Variants in ZNF469 observed in about 807,000 individuals in gnomAD.
ZNF469 encodes zinc finger protein 469.
Under a neutral mutation model 1.0 loss-of-function variants are expected in ZNF469, and 1 was observed. The observed-to-expected ratio is 1.00, with a 90% CI of 0.35 to 4.73. The LOEUF is 4.73. ZNF469 is among the 30% of genes most tolerant of loss of function. ZNF469 has a pLI of 0.16. For missense variants in ZNF469, 6,100 were observed against 5,356.3 expected, an observed-to-expected ratio of 1.14 and a Z score of -4.33; for synonymous variants, 2,703 against 2,363.4, an observed-to-expected ratio of 1.14 and a Z score of -4.17.
At chr16:88,224,536 A>C in the ZNF469 span, among the ~76,000 whole-genome samples, 1 of 152,308 alleles carries the variant, frequency 6.6e-6, no homozygotes, top group South Asian at 2.1e-4. Flanking sequence ...TGTGGCCTGC[A>C]GCGTGGCACT....
chr16:88,369,847 A>G, the ZNF469 span, among the ~76,000 whole-genome samples: 1 of 152,132 alleles, frequency 6.6e-6, no homozygotes, highest in African/African-American at 2.4e-5. Flanking sequence ...GGACAGTGAC[A>G]CAGTCTCAAC....
the ZNF469 span, among the ~76,000 whole-genome samples, chr16:88,204,741 T>A: frequency 6.6e-6 from 1 of 152,220 alleles, no homozygotes; most frequent in Non-Finnish European, 1.5e-5. Context: ...CAAATGACTT[T>A]GCTTGGCCTT....
chr16:88,302,963 T>G, the ZNF469 span, among the ~76,000 whole-genome samples: 4 of 152,136 alleles, frequency 2.6e-5, no homozygotes, highest in East Asian at 1.9e-4. Context: ...GGCGTGGAAC[T>G]CAGCAGTGCC....
the ZNF469 span, among the ~76,000 whole-genome samples, chr16:88,149,619 A>G: frequency 0.24 from 36,991 of 151,954 alleles, 5,724 homozygotes; most frequent in East Asian, 0.47. Context: ...GATTTGTACC[A>G]TGGTCTCACC....
the ZNF469 span, among the ~76,000 whole-genome samples, chr16:88,143,808 C>T: frequency 6.6e-6 from 1 of 152,246 alleles, no homozygotes; most frequent in Non-Finnish European, 1.5e-5. Flanking sequence ...TGTGTCCTCC[C>T]AGGCCATGCA....
chr16:88,229,634 C>CGCGTGTGGATGTA, the ZNF469 span, among the ~76,000 whole-genome samples: 43 of 104,072 alleles, frequency 4.1e-4, no homozygotes, highest in African/African-American at 9.2e-4. Flanking sequence ...GTGTGGATGT[C>CGCGTGTGGATGTA]ACGTGTGTGT....
chr16:88,398,122 T>C (rs7190077), intron 1 of ZNF469, among the ~76,000 whole-genome samples: 39,126 of 152,032 alleles, frequency 0.26, 5,619 homozygotes, highest in African/African-American at 0.4. Context: ...GATGGGCCTC[T>C]GATCCCTGCT....
In ZNF469 at chr16:88,438,969, C is replaced by T. The variant is rs976238130; in HGVS notation, c.11499C>T (p.Ser3833=). ...CAGCCAGGAGTGAAAGTGTGGGGAG[C>T]TTCGGGAGAGCCCCCTCAGCCCCTG... ...PGPARSESVG[S]FGRAPSAPDK... The change falls in exon 3 of 3, where the codon AGC becomes AGT. Residue 3833 remains serine, a synonymous_variant. Coordinates refer to ENST00000565624, the MANE Select transcript of ZNF469 (RefSeq NM_001367624.2). 1.3e-6 allele frequency: 2 copies of T among 1,550,466 alleles called. No individual in the cohort carries two copies. Among genetic ancestry groups the T allele is most frequent in the Admixed American group, 3.9e-5 (2 of 51,012 alleles).
chr16:88,191,806 G>C, the ZNF469 span: 1 of 152,260 alleles, frequency 6.6e-6, no homozygotes, highest in African/African-American at 2.4e-5. Context: ...GAAATGTTCG[G>C]TGGGCTATGG....
chr16:88,230,609 C>T, the ZNF469 span, among the ~76,000 whole-genome samples: 1 of 35,992 alleles, frequency 2.8e-5, no homozygotes, highest in African/African-American at 5.1e-5. Flanking sequence ...TCCGGGGACG[C>T]CCCCTCTCCC....
the ZNF469 span, among the ~76,000 whole-genome samples, chr16:88,188,574 TG>T: frequency 6.6e-6 from 1 of 152,186 alleles, no homozygotes; most frequent in Non-Finnish European, 1.5e-5. Flanking sequence ...CTGGGAGTCC[TG>T]TTCAACCTGG....
the ZNF469 span, among the ~76,000 whole-genome samples, chr16:88,207,812 C>T: frequency 1.3e-5 from 2 of 150,110 alleles, no homozygotes; most frequent in African/African-American, 4.9e-5. Context: ...AAGGATGCAC[C>T]TGATAGCAGC....
intron 1 of ZNF469, among the ~76,000 whole-genome samples, chr16:88,412,624 T>C (rs1905202125): frequency 6.6e-6 from 1 of 152,100 alleles, no homozygotes; most frequent in South Asian, 2.1e-4. Context: ...GCATGCAGCA[T>C]GGGGGACAGG....
chr16:88,349,364 A>G, the ZNF469 span, among the ~76,000 whole-genome samples: 1 of 151,558 alleles, frequency 6.6e-6, no homozygotes, highest in Non-Finnish European at 1.5e-5. Flanking sequence ...GTACACACAT[A>G]TCACACACAC....
the ZNF469 span, among the ~76,000 whole-genome samples, chr16:88,156,614 A>G: frequency 7.3e-4 from 111 of 152,364 alleles, 1 homozygote; most frequent in African/African-American, 2.5e-3. Context: ...TCATATTGCT[A>G]TTACAAGGGT....
At chr16:88,147,192 C>G in the ZNF469 span, among the ~76,000 whole-genome samples, 1 of 151,972 alleles carries the variant, frequency 6.6e-6, no homozygotes, top group Non-Finnish European at 1.5e-5. Flanking sequence ...GCAGCTGGCT[C>G]TGATGGCAGA....
the ZNF469 span, among the ~76,000 whole-genome samples, chr16:88,183,665 C>A: frequency 1.3e-5 from 2 of 152,164 alleles, no homozygotes; most frequent in East Asian, 1.9e-4. Flanking sequence ...CTGCCTCTGT[C>A]GGGGCAGAAG....
At chr16:88,412,738 G>C (rs1402249192) in intron 1 of ZNF469, among the ~76,000 whole-genome samples, 2 of 152,210 alleles carry the variant, frequency 1.3e-5, no homozygotes, top group African/African-American at 4.8e-5. Flanking sequence ...GGACAGCTTG[G>C]AAAATGTGCA....
At chr16:88,243,949 T>TAAAA in the ZNF469 span, among the ~76,000 whole-genome samples, 1 of 94,242 alleles carries the variant, frequency 1.1e-5, no homozygotes, top group Non-Finnish European at 2.3e-5. Flanking sequence ...TATATATATA[T>TAAAA]ATAAATGTAT....
Sources: gnomAD v4.1 joint callset for allele counts (sites outside exome capture counted in the v4.1 genomes callset) on GRCh38, gnomAD v4.1.1 for gene constraint, MANE v1.5 for transcripts, NCBI Gene and HGNC (gene_info 2026-07-23, HGNC 2026-07-21) for gene names.